The following HDAC4 variants were observed in gnomAD, a reference collection of about 807,000 sequenced individuals.
The protein encoded by HDAC4 is histone deacetylase A.
In HDAC4, 16 loss-of-function variants were observed where a neutral mutation model predicts 135.1. That is an observed-to-expected ratio of 0.12 (90% CI 0.08 to 0.18). The LOEUF is 0.18. Ranked by LOEUF, HDAC4 falls within the 10% of genes least tolerant of loss-of-function variation. HDAC4 has a pLI of 1.00. For missense variants in HDAC4, 1,143 were observed against 1,511.8 expected, an observed-to-expected ratio of 0.76 and a Z score of 4.05; for synonymous variants, 685 against 653.4, an observed-to-expected ratio of 1.05 and a Z score of -0.74.
At chr2:239,272,083 A>C (rs1274262996) in intron 2 of HDAC4, among the ~76,000 whole-genome samples, 1 of 152,204 alleles carries the variant, frequency 6.6e-6, no homozygotes, top group Non-Finnish European at 1.5e-5. Context: ...TTCAATTAAA[A>C]ACAACTGTGG....
intron 3 of HDAC4, among the ~76,000 whole-genome samples, chr2:239,213,561 C>G (rs571693294): frequency 8.5e-4 from 129 of 152,360 alleles, no homozygotes; most frequent in African/African-American, 3.1e-3. Context: ...AAGCCTGCAT[C>G]TGCATAGTCA....
chr2:239,151,897 G>C (rs1371680660), intron 7 of HDAC4, among the ~76,000 whole-genome samples: 2 of 152,200 alleles, frequency 1.3e-5, no homozygotes, highest in Non-Finnish European at 2.9e-5. Flanking sequence ...TGAGGATGCT[G>C]GACAAGGAGT....
At chr2:239,131,594 G>A (rs544170033) in intron 11 of HDAC4, among the ~76,000 whole-genome samples, 2 of 152,316 alleles carry the variant, frequency 1.3e-5, no homozygotes, top group South Asian at 4.1e-4. Flanking sequence ...CTGGCTCTGG[G>A]GGCTGGCTGC....
intron 17 of HDAC4, chr2:239,094,798 G>A (rs1048021290): frequency 4.2e-6 from 6 of 1,426,432 alleles, no homozygotes; most frequent in South Asian, 1.4e-5. Context: ...AGCCACCTGC[G>A]CCAGACAACC....
At chr2:239,095,136 G>T in intron 16 of HDAC4, 80 bp from the exon 17 acceptor site, 1 of 1,460,450 alleles carries the variant, frequency 6.8e-7, no homozygotes, top group Non-Finnish European at 9.6e-7. Context: ...GCACTCCGGG[G>T]TCTTCAGTGG....
intron 3 of HDAC4, among the ~76,000 whole-genome samples, chr2:239,206,119 G>T (rs1351793588): frequency 2.0e-5 from 3 of 152,180 alleles, no homozygotes; most frequent in Admixed American, 1.3e-4. Context: ...CTTGAGCCCA[G>T]GAGTTCAAGA....
At chr2:239,190,152 C>T (rs1278955339) in intron 3 of HDAC4, 75 bp from the exon 4 acceptor site, 1 of 1,520,396 alleles carries the variant, frequency 6.6e-7, no homozygotes, top group Non-Finnish European at 8.8e-7. Flanking sequence ...CCCCACCCAA[C>T]ACACTGGCCA....
chr2:239,248,778 A>C (rs1233747562), intron 2 of HDAC4, among the ~76,000 whole-genome samples: 1 of 152,304 alleles, frequency 6.6e-6, no homozygotes, highest in East Asian at 1.9e-4. Flanking sequence ...ATCCTGATCA[A>C]GGTTGGGACC....
chr2:239,218,664 C>T (rs1227474779), intron 3 of HDAC4, among the ~76,000 whole-genome samples: 2 of 148,010 alleles, frequency 1.4e-5, no homozygotes, highest in East Asian at 2.0e-4. Context: ...AAGAAACTAC[C>T]ATCAGAGTGA....
At chr2:239,134,497 C>T (rs2040815755) in intron 10 of HDAC4, 30 bp downstream of exon 10, 4 of 1,613,200 alleles carry the variant, frequency 2.5e-6, no homozygotes, top group African/African-American at 1.3e-5. Flanking sequence ...CACCACCCCA[C>T]ACCACACGGA....
At chr2:239,104,298 G>C (rs1337206464) in intron 15 of HDAC4, among the ~76,000 whole-genome samples, 1 of 152,096 alleles carries the variant, frequency 6.6e-6, no homozygotes, top group East Asian at 1.9e-4. Flanking sequence ...GCGCAATCTT[G>C]GCTCACTGTA....
At chr2:239,350,399 TAAAGC>T in intron 2 of HDAC4, among the ~76,000 whole-genome samples, 1 of 152,156 alleles carries the variant, frequency 6.6e-6, no homozygotes, top group South Asian at 2.1e-4. Flanking sequence ...AAAAAATAAG[TAAAGC>T]TATACTGATT....
intron 2 of HDAC4, among the ~76,000 whole-genome samples, chr2:239,242,045 CAAAAG>C (rs944560372): frequency 1.6e-4 from 21 of 134,382 alleles, no homozygotes; most frequent in Non-Finnish European, 2.4e-4. Context: ...CAAGTTCCAC[CAAAAG>C]AAAAGAAAAG....
At chr2:239,220,983 G>T (rs552320822) in intron 3 of HDAC4, among the ~76,000 whole-genome samples, 1 of 152,216 alleles carries the variant, frequency 6.6e-6, no homozygotes, top group African/African-American at 2.4e-5. Context: ...ACCAAGGCGA[G>T]GTACTCCCTC....
chr2:239,330,968 T>C (rs1691531570), intron 2 of HDAC4, among the ~76,000 whole-genome samples: 2 of 152,204 alleles, frequency 1.3e-5, no homozygotes, highest in African/African-American at 4.8e-5. Context: ...CAGCCCCACA[T>C]GCCACGCTGC....
rs2030673184 is a variant in HDAC4 at position 239,050,496 on chromosome 2, C to T, written c.*2601G>A. 1 of 152,496 alleles carries T rather than the reference C, an allele frequency of 6.6e-6. No homozygotes were observed. The highest frequency in any genetic ancestry group is 1.5e-5 in the Non-Finnish European group (1 of 68,098). 9.4% of individuals were successfully genotyped at this position (152,496 alleles called of 1,614,324 possible). A position where few individuals can be genotyped will look rare whatever the true frequency, so the allele number is the denominator to read the frequency against. On this transcript the variant is annotated 3_prime_UTR_variant, in exon 27 of 27. Transcript: ENST00000543185. ...CCTCTTGCCAATCTGGGCTTCAGAG[C>T]AAAGAGTGGCCACCAGGGAGGGGAA...
intron 2 of HDAC4, among the ~76,000 whole-genome samples, chr2:239,338,142 G>T (rs62182111): frequency 6.6e-6 from 1 of 151,834 alleles, no homozygotes; most frequent in Non-Finnish European, 1.5e-5. Context: ...AGACAACTCC[G>T]CTCCCAGCTG....
rs188600581 is a variant in HDAC4, at chr2:239,217,578, G to A, written c.94+19015C>T. ...GACGGCAGAAAGTGTCTGTGCCGAC[G>A]GGCTACTCTCTCACATCGTCTGAAG... On this transcript the variant is annotated intron_variant, in intron 3 of 26. Transcript: ENST00000543185. Among the ~76,000 whole-genome samples, 487 of 152,212 alleles carry A rather than the reference G, an allele frequency of 3.2e-3. 3 individuals carry two copies. Among genetic ancestry groups the A allele is most frequent in the African/African-American group, 0.011 (474 of 41,520 alleles).
intron 22 of HDAC4, among the ~76,000 whole-genome samples, chr2:239,077,451 G>A (rs2034878330): frequency 6.6e-6 from 1 of 152,252 alleles, no homozygotes; most frequent in African/African-American, 2.4e-5. Context: ...CTCCAGGGCA[G>A]GCACTGTGCC....
Sources: allele counts gnomAD v4.1 joint callset (sites outside exome capture counted in the v4.1 genomes callset), GRCh38; gene constraint gnomAD v4.1.1; transcripts MANE v1.5; gene names NCBI Gene and HGNC (gene_info 2026-07-23, HGNC 2026-07-21).